Variants in CYTH1 observed in about 807,000 individuals in gnomAD.
CYTH1 encodes cytohesin-1.
CYTH1 carries 18 observed loss-of-function variants against 61.8 expected under a neutral mutation model. The ratio of observed to expected loss-of-function variants is 0.29; its 90% CI spans 0.20 to 0.43. The LOEUF (loss-of-function observed/expected upper bound fraction) is 0.43. Among genes scored for constraint, CYTH1 ranks in the 20% least tolerant of loss-of-function variants. The pLI is 1.00. For synonymous variants in CYTH1, 174 were observed against 184.3 expected, an observed-to-expected ratio of 0.94 and a Z score of 0.45; for missense variants, 336 against 510.5, an observed-to-expected ratio of 0.66 and a Z score of 3.29.
At chr17:78,731,251 T>A (rs930480381) in intron 1 of CYTH1, among the ~76,000 whole-genome samples, 1 of 152,142 alleles carries the variant, frequency 6.6e-6, no homozygotes, top group Non-Finnish European at 1.5e-5. Flanking sequence ...AGCAATGGCT[T>A]TCATTTGCAG....
chr17:78,732,422 C>T (rs1049091975), intron 1 of CYTH1, among the ~76,000 whole-genome samples: 5 of 152,298 alleles, frequency 3.3e-5, no homozygotes, highest in African/African-American at 1.2e-4. Flanking sequence ...TGTTTCTATT[C>T]ACCTTCATTA....
intron 1 of CYTH1, chr17:78,736,897 C>G (rs1598896919): frequency 5.9e-6 from 1 of 168,844 alleles, no homozygotes; most frequent in African/African-American, 2.4e-5. Flanking sequence ...CAATGGCTGG[C>G]TGCACGCCTG....
At position 78,675,935 on chromosome 17, in the gene CYTH1, C is replaced by G; in HGVS notation, c.*156G>C. ...CAGTGATAACTGCCCACCCTTCTCC[C>G]ACTTAAAAAAAATAGCAAAAGCTGA... is the stretch of plus-strand genomic sequence containing the variant. On this transcript the variant is annotated 3_prime_UTR_variant, in exon 14 of 14. Transcript: ENST00000446868. The G allele has an allele frequency of 6.5e-7, 1 of 1,546,700 alleles. No homozygotes were observed.
chr17:78,698,910 G>T lies in CYTH1; in HGVS notation c.609C>A (p.Pro203=), dbSNP rs1322547167. The change falls in exon 8 of 14, where the codon CCC becomes CCA. Residue 203 remains proline (P), a synonymous_variant. Transcript: ENST00000446868. ...IIMLNTSLHN[P]NVKDKPTVER... The stretch of plus-strand genomic sequence containing the variant: ...CCACAGTGGGCTTATCTTTGACATT[G>T]GGGTTGTGCAGACTGGTGTTCAACA... The T allele has an allele frequency of 2.5e-6, 4 of 1,612,146 alleles. No homozygotes were observed. The South Asian group carries it at 3.3e-5, about 13-fold the overall frequency.
At chr17:78,708,117 T>G in intron 3 of CYTH1, 80 bp downstream of exon 3, 2 of 1,400,890 alleles carry the variant, frequency 1.4e-6, no homozygotes, top group Non-Finnish European at 2.0e-6. Flanking sequence ...TCCTTCAATG[T>G]GCCACGTAAG....
In CYTH1 at chr17:78,702,256, A is replaced by C. The variant is rs368956320; in HGVS notation, c.238-16T>G. On this transcript the variant is annotated splice_polypyrimidine_tract_variant and intron_variant, in intron 4 of 13. Transcript: ENST00000446868. ...ACTGGATCCCCTAGAAAAAGACAAC[A>C]AAGACGCCAATGATGCTTTGCTGGG... The C allele has an allele frequency of 4.4e-6, 7 of 1,592,890 alleles. No individual in the cohort carries two copies. In the African/African-American group the frequency reaches 8.1e-5, roughly 18 times the overall value.
At chr17:78,771,969 G>A (rs905411734) in intron 1 of CYTH1, among the ~76,000 whole-genome samples, 2 of 152,136 alleles carry the variant, frequency 1.3e-5, no homozygotes, top group African/African-American at 2.4e-5. Flanking sequence ...TGCAAACAGA[G>A]AAGCAAAACA....
At chr17:78,760,428 C>G (rs543867165) in intron 1 of CYTH1, among the ~76,000 whole-genome samples, 1 of 53,176 alleles carries the variant, frequency 1.9e-5, no homozygotes, top group Non-Finnish European at 3.5e-5. Flanking sequence ...TATATATACA[C>G]ATACATATAT....
At chr17:78,680,378 C>A in intron 12 of CYTH1, 34 bp from the exon 13 acceptor site, 1 of 1,582,984 alleles carries the variant, frequency 6.3e-7, no homozygotes, top group Non-Finnish European at 8.6e-7. Flanking sequence ...GAGAGTGGAG[C>A]AAAGGAAGCT....
intron 1 of CYTH1, among the ~76,000 whole-genome samples, chr17:78,772,751 T>C (rs147844775): frequency 2.0e-5 from 3 of 151,968 alleles, no homozygotes; most frequent in African/African-American, 7.3e-5. Flanking sequence ...TTGGCCAGGA[T>C]GGTCTCGATC....
chr17:78,691,054 A>C (rs1029622565), intron 11 of CYTH1, among the ~76,000 whole-genome samples: 4 of 152,246 alleles, frequency 2.6e-5, no homozygotes, highest in Non-Finnish European at 2.9e-5. Flanking sequence ...TTGGGGGTGA[A>C]GCAGAAAGCA....
At chr17:78,750,024 C>T (rs1020261087) in intron 1 of CYTH1, among the ~76,000 whole-genome samples, 1 of 152,008 alleles carries the variant, frequency 6.6e-6, no homozygotes, top group Non-Finnish European at 1.5e-5. Flanking sequence ...AATCAATGGC[C>T]AGGGGGTGAG....
Position 78,698,135 on chromosome 17 carries a change from ACACACACGCACGCG to A in CYTH1, c.811+120_811+133del, listed in dbSNP as rs2092962115. 14 of 753,656 alleles carry A rather than the reference ACACACACGCACGCG, an allele frequency of 1.9e-5. No individual in the cohort carries two copies. The South Asian group carries it at 2.0e-4, about 11-fold the overall frequency. The allele number at this position is 753,656 out of a possible 1,614,324, so 46.7% of individuals were successfully genotyped here. A position where few individuals can be genotyped will look rare whatever the true frequency, so the allele number is the denominator to read the frequency against. The stretch of plus-strand genomic sequence containing the variant: ...TGTGTGTGAACATGCATGCGCGTGC[ACACACACGCACGCG>A]CACACATGCACACGCACAAACACGC... On this transcript the variant is annotated intron_variant, in intron 9 of 13. Coordinates refer to ENST00000446868, the MANE Select transcript of CYTH1 (RefSeq NM_004762.6).
intron 1 of CYTH1, among the ~76,000 whole-genome samples, chr17:78,780,417 G>A (rs1432427851): frequency 6.6e-6 from 1 of 152,236 alleles, no homozygotes; most frequent in East Asian, 1.9e-4. Context: ...GCTGAGAAGA[G>A]AGGTGAGAGG....
At chr17:78,754,575 T>C (rs1450741784) in intron 1 of CYTH1, among the ~76,000 whole-genome samples, 2 of 152,160 alleles carry the variant, frequency 1.3e-5, no homozygotes, top group African/African-American at 4.8e-5. Context: ...CTCAAATTCC[T>C]GGGCTCAAGC....
intron 9 of CYTH1, 54 bp from the exon 10 acceptor site, chr17:78,696,063 AG>A: frequency 7.3e-7 from 1 of 1,366,954 alleles, no homozygotes; most frequent in Non-Finnish European, 9.8e-7. Context: ...CATACAAATG[AG>A]GGAGAAAAGA....
In CYTH1 at chr17:78,782,189, G is replaced by T; in HGVS notation, c.22+13C>A. On this transcript the variant is annotated intron_variant, in intron 1 of 13. Coordinates refer to ENST00000446868, the MANE Select transcript of CYTH1 (RefSeq NM_004762.6). ...CAGCGAGGGGGAAGCGTCCGCCGCC[G>T]GGGCGCACTGACCGTAGCTGTCGTC... 1.5e-6 allele frequency: 2 copies of T among 1,366,212 alleles called. No homozygotes were observed. 84.6% of individuals were successfully genotyped at this position (1,366,212 alleles called of 1,614,324 possible).
chr17:78,711,304 T>C (rs201874912), intron 1 of CYTH1, among the ~76,000 whole-genome samples: 1 of 54,798 alleles, frequency 1.8e-5, no homozygotes, highest in African/African-American at 4.7e-5. Context: ...AAATAAATAA[T>C]ATATATATAT....
chr17:78,697,461 C>A (rs941886585), intron 9 of CYTH1, among the ~76,000 whole-genome samples: 4 of 151,996 alleles, frequency 2.6e-5, no homozygotes, highest in African/African-American at 9.7e-5. Context: ...TATTGATTAC[C>A]CTGTCACCTT....
Sources: gnomAD v4.1 joint callset for allele counts (sites outside exome capture counted in the v4.1 genomes callset) on GRCh38, gnomAD v4.1.1 for gene constraint, MANE v1.5 for transcripts, NCBI Gene and HGNC (gene_info 2026-07-23, HGNC 2026-07-21) for gene names.